Variants in CDC42SE2 observed in about 807,000 individuals in gnomAD.
CDC42SE2 encodes the protein CDC42 small effector protein 2.
In CDC42SE2, 3 loss-of-function variants were observed where a neutral mutation model predicts 11.5. The ratio of observed to expected loss-of-function variants is 0.26; its 90% CI spans 0.12 to 0.67. The LOEUF is 0.67. CDC42SE2 is among the 30% of genes least tolerant of loss of function. CDC42SE2 has a pLI of 0.80. For missense variants in CDC42SE2, 82 were observed against 106.8 expected, an observed-to-expected ratio of 0.77 and a Z score of 1.02; for synonymous variants, 33 against 34.8, an observed-to-expected ratio of 0.95 and a Z score of 0.18.
rs533439820 is a variant in CDC42SE2, at chr5:131,351,500, C to A, written c.-285-7709C>A. 3.6e-4 allele frequency among the ~76,000 whole-genome samples: 55 copies of A among 152,214 alleles called. 1 individual carries two copies. Among genetic ancestry groups the A allele is most frequent in the Middle Eastern group, 3.4e-3 (1 of 292 alleles). ...CGATCTCCTGACCTTGTGATCCGCCCGCCTTGGCCTCCCAAAGTGTTGGGA... is the reference window on the plus strand; with the variant it reads ...CGATCTCCTGACCTTGTGATCCGCCAGCCTTGGCCTCCCAAAGTGTTGGGA... On this transcript the variant is annotated intron_variant, in intron 2 of 4. Transcript: ENST00000505065.
chr5:131,265,936 C>A lies in CDC42SE2; in HGVS notation c.-455+1770C>A, dbSNP rs149790764. Among the ~76,000 whole-genome samples, 749 of 152,144 alleles carry A rather than the reference C, an allele frequency of 4.9e-3. 4 individuals are homozygous for A. The highest frequency in any genetic ancestry group is 0.017 in the African/African-American group (687 of 41,496). Reference sequence around the variant, plus strand: ...TAACATTTTCTGTTTTTAAAAATCCCCAGAGATAAACAGTAGATTCCTTTT... The same window carrying A: ...TAACATTTTCTGTTTTTAAAAATCCACAGAGATAAACAGTAGATTCCTTTT... On this transcript the variant is annotated intron_variant, in intron 1 of 4. Coordinates refer to ENST00000505065, the MANE Select transcript of CDC42SE2 (RefSeq NM_001375635.1).
At chr5:131,269,039 G>A (rs950908511) in intron 1 of CDC42SE2, among the ~76,000 whole-genome samples, 2 of 152,018 alleles carry the variant, frequency 1.3e-5, no homozygotes, top group African/African-American at 2.4e-5. Flanking sequence ...GTGAGCCACC[G>A]TGCCAGGCGA....
intron 1 of CDC42SE2, among the ~76,000 whole-genome samples, chr5:131,311,660 C>G (rs527514470): frequency 6.6e-6 from 1 of 152,230 alleles, no homozygotes; most frequent in African/African-American, 2.4e-5. Flanking sequence ...TCTTTTTTCT[C>G]TGAACTTCCC....
intron 3 of CDC42SE2, 25 bp downstream of exon 3, chr5:131,359,572 T>C: frequency 6.4e-7 from 1 of 1,571,116 alleles, no homozygotes; most frequent in Non-Finnish European, 8.8e-7. Flanking sequence ...TGTGGACACA[T>C]CAGGTGGGGT....
intron 2 of CDC42SE2, among the ~76,000 whole-genome samples, chr5:131,334,309 G>A (rs1758499455): frequency 6.6e-6 from 1 of 152,160 alleles, no homozygotes; most frequent in Admixed American, 6.5e-5. Flanking sequence ...TCCCAGGGAG[G>A]AAGCCCACTT....
At chr5:131,297,962 C>A (rs766563835) in intron 1 of CDC42SE2, among the ~76,000 whole-genome samples, 3 of 151,816 alleles carry the variant, frequency 2.0e-5, no homozygotes, top group African/African-American at 4.8e-5. Flanking sequence ...TACACGAAAA[C>A]GTAATGTATT....
chr5:131,223,972 C>T, the CDC42SE2 span, among the ~76,000 whole-genome samples: 2 of 152,194 alleles, frequency 1.3e-5, no homozygotes, highest in South Asian at 2.1e-4. Flanking sequence ...TTTTATGACA[C>T]GGATCATTCC....
the CDC42SE2 span, among the ~76,000 whole-genome samples, chr5:131,216,510 A>AG: frequency 1.4e-5 from 2 of 139,598 alleles, no homozygotes; most frequent in Non-Finnish European, 3.0e-5. Context: ...TCAAAAAAAA[A>AG]AAAAAAAAAA....
chr5:131,278,993 C>T (rs1380068529), intron 1 of CDC42SE2, among the ~76,000 whole-genome samples: 1 of 151,076 alleles, frequency 6.6e-6, no homozygotes, highest in Non-Finnish European at 1.5e-5. Context: ...TCATGTTGGC[C>T]AGACTGGTCT....
At chr5:131,271,647 G>A (rs1756997328) in intron 1 of CDC42SE2, among the ~76,000 whole-genome samples, 1 of 152,150 alleles carries the variant, frequency 6.6e-6, no homozygotes, top group South Asian at 2.1e-4. Context: ...TTCTTCAACA[G>A]TACTTCTGTA....
intron 1 of CDC42SE2, among the ~76,000 whole-genome samples, chr5:131,285,757 A>G (rs1214595975): frequency 6.6e-6 from 1 of 152,210 alleles, no homozygotes; most frequent in African/African-American, 2.4e-5. Context: ...TCAAGAACAT[A>G]AGCCCATAGC....
the CDC42SE2 span, among the ~76,000 whole-genome samples, chr5:131,233,812 G>A: frequency 2.4e-3 from 367 of 152,030 alleles, no homozygotes; most frequent in African/African-American, 8.3e-3. Flanking sequence ...TTTCATTATC[G>A]TCTTATATTC....
intron 1 of CDC42SE2, among the ~76,000 whole-genome samples, chr5:131,277,165 A>G (rs931269528): frequency 1.9e-4 from 29 of 152,304 alleles, no homozygotes; most frequent in Middle Eastern, 3.4e-3. Context: ...TTTTCATTAG[A>G]ATTTGACATT....
intron 2 of CDC42SE2, among the ~76,000 whole-genome samples, chr5:131,317,294 A>G (rs1758061260): frequency 6.6e-6 from 1 of 152,022 alleles, no homozygotes; most frequent in Non-Finnish European, 1.5e-5. Flanking sequence ...TCTCTCCTTT[A>G]TGTTTGAGTA....
intron 2 of CDC42SE2, among the ~76,000 whole-genome samples, chr5:131,352,930 A>T (rs1165914202): frequency 6.6e-6 from 1 of 151,794 alleles, no homozygotes; most frequent in Non-Finnish European, 1.5e-5. Flanking sequence ...TTGCATTTCC[A>T]CTTCTGATCT....
chr5:131,251,908 A>AG (rs1756641527), intron 1 of CDC42SE2, among the ~76,000 whole-genome samples: 1 of 152,170 alleles, frequency 6.6e-6, no homozygotes, highest in Non-Finnish European at 1.5e-5. Flanking sequence ...GCTACTTGGG[A>AG]GGCTGAGTTG....
At chr5:131,283,396 G>A (rs1046120976) in intron 1 of CDC42SE2, among the ~76,000 whole-genome samples, 1 of 152,026 alleles carries the variant, frequency 6.6e-6, no homozygotes, top group Non-Finnish European at 1.5e-5. Context: ...GACATTTAAT[G>A]TAAGTGGAAT....
At chr5:131,349,219 T>A (rs577054108) in intron 2 of CDC42SE2, among the ~76,000 whole-genome samples, 1 of 151,816 alleles carries the variant, frequency 6.6e-6, no homozygotes, top group African/African-American at 2.4e-5. Flanking sequence ...CTGGAAACCA[T>A]CATTCTGAAC....
At chr5:131,298,217 C>G (rs890527996) in intron 1 of CDC42SE2, among the ~76,000 whole-genome samples, 4 of 151,808 alleles carry the variant, frequency 2.6e-5, no homozygotes, top group African/African-American at 9.7e-5. Context: ...GTTCTCCTGC[C>G]TCAGCCTCCT....
Sources: gnomAD v4.1 joint callset for allele counts (sites outside exome capture counted in the v4.1 genomes callset) on GRCh38, gnomAD v4.1.1 for gene constraint, MANE v1.5 for transcripts, NCBI Gene and HGNC (gene_info 2026-07-23, HGNC 2026-07-21) for gene names.